The following PIGU variants were observed in gnomAD, a reference collection of about 807,000 sequenced individuals.
PIGU encodes GPI-anchor transamidase component PIGU.
Under a neutral mutation model 49.9 loss-of-function variants are expected in PIGU, and 24 were observed. The observed-to-expected ratio is 0.48, with a 90% CI of 0.35 to 0.68. The LOEUF (loss-of-function observed/expected upper bound fraction) is 0.68. Ranked by LOEUF, PIGU falls within the 30% of genes least tolerant of loss-of-function variation. PIGU has a pLI of 0.01. For missense variants in PIGU, 490 were observed against 532.6 expected (o/e 0.92, Z 0.79); for synonymous variants, 220 against 205.7 (o/e 1.07, Z -0.59).
intron 4 of PIGU, chr20:34,643,645 A>G (rs1378170833): frequency 6.6e-6 from 1 of 152,476 alleles, no homozygotes; most frequent in Admixed American, 6.5e-5. Flanking sequence ...GCTATTACAT[A>G]TGGATTAAGA....
intron 7 of PIGU, among the ~76,000 whole-genome samples, chr20:34,606,804 C>T (rs1387962004): frequency 6.6e-6 from 1 of 152,144 alleles, no homozygotes; most frequent in African/African-American, 2.4e-5. Context: ...CTCTGTCACC[C>T]AGGCTGGAGT....
intron 7 of PIGU, among the ~76,000 whole-genome samples, chr20:34,589,393 C>T (rs1452583194): frequency 2.0e-5 from 3 of 152,230 alleles, no homozygotes; most frequent in South Asian, 4.1e-4. Context: ...CTTGCTGTGT[C>T]GCCAAGGTAG....
intron 6 of PIGU, among the ~76,000 whole-genome samples, chr20:34,628,128 A>G (rs1018199794): frequency 6.6e-6 from 1 of 152,192 alleles, no homozygotes; most frequent in African/African-American, 2.4e-5. Context: ...CTATTTAACA[A>G]TAGTGTACAA....
intron 1 of PIGU, among the ~76,000 whole-genome samples, chr20:34,671,670 A>T (rs1300390999): frequency 1.3e-5 from 2 of 152,068 alleles, no homozygotes; most frequent in African/African-American, 4.8e-5. Flanking sequence ...CCTGTAATCC[A>T]CCACTTTGGG....
intron 11 of PIGU, among the ~76,000 whole-genome samples, chr20:34,570,604 G>A (rs576994899): frequency 1.3e-5 from 2 of 152,142 alleles, no homozygotes; most frequent in Admixed American, 6.5e-5. Context: ...TAGTAGAGAC[G>A]GGGTTTCACC....
At position 34,561,909 on chromosome 20, in the gene PIGU, G is replaced by A. The variant is rs150155103; in HGVS notation, c.1195-930C>T. On this transcript the variant is annotated intron_variant, in intron 11 of 11. Coordinates refer to ENST00000217446, the MANE Select transcript of PIGU (RefSeq NM_080476.5). ...ATCTCTACTCGATAACAGACTCATC[G>A]AAAGTGTAATTTTCCATTCAGCTGA... Among the ~76,000 whole-genome samples, 554 of 152,234 alleles carry A rather than the reference G, an allele frequency of 3.6e-3. 6 individuals are homozygous for A. The highest frequency in any genetic ancestry group is 0.01 in the African/African-American group (427 of 41,520).
chr20:34,651,900 TTGAGACCATCCCGGGCAACAAAG>T (rs921656659), intron 2 of PIGU, among the ~76,000 whole-genome samples: 28 of 151,922 alleles, frequency 1.8e-4, no homozygotes, highest in African/African-American at 6.5e-4. Flanking sequence ...GGCCAGGAGG[TTGAGACCATCCCGGGCAACAAAG>T]TGAGACCCCC....
At chr20:34,568,424 T>C (rs992786105) in intron 11 of PIGU, among the ~76,000 whole-genome samples, 6 of 152,294 alleles carry the variant, frequency 3.9e-5, no homozygotes, top group Non-Finnish European at 7.4e-5. Context: ...GGGCTCCAGG[T>C]TGGCCACAGG....
intron 7 of PIGU, among the ~76,000 whole-genome samples, chr20:34,607,434 G>A (rs140198552): frequency 6.9e-4 from 105 of 152,256 alleles, no homozygotes; most frequent in Middle Eastern, 3.4e-3. Context: ...GATTTCAGAC[G>A]GACACCTTGA....
chr20:34,615,961 T>G, intron 7 of PIGU, 81 bp downstream of exon 7: 2 of 1,504,642 alleles, frequency 1.3e-6, no homozygotes, highest in Non-Finnish European at 1.8e-6. Context: ...TACTAACCCG[T>G]GCCCTTCCTT....
At chr20:34,633,634 C>T (rs1051072885) in intron 6 of PIGU, among the ~76,000 whole-genome samples, 3 of 150,886 alleles carry the variant, frequency 2.0e-5, no homozygotes, top group Non-Finnish European at 2.9e-5. Context: ...GTGGCGAGAT[C>T]TCGGCTCACT....
chr20:34,591,707 A>C (rs1375983579), intron 7 of PIGU, among the ~76,000 whole-genome samples: 2 of 152,246 alleles, frequency 1.3e-5, no homozygotes, highest in Non-Finnish European at 2.9e-5. Flanking sequence ...GTAATTTTCA[A>C]GTATACAATA....
intron 11 of PIGU, among the ~76,000 whole-genome samples, chr20:34,564,033 C>T (rs931965735): frequency 8.5e-5 from 13 of 152,226 alleles, no homozygotes; most frequent in African/African-American, 2.6e-4. Context: ...ACCTGGCCAG[C>T]GCTCCTCAAC....
intron 6 of PIGU, among the ~76,000 whole-genome samples, chr20:34,626,908 T>C (rs910501619): frequency 2.0e-5 from 3 of 151,990 alleles, no homozygotes; most frequent in Admixed American, 6.6e-5. Flanking sequence ...AATTATTCCT[T>C]AATTTTATTA....
Position 34,572,249 on chromosome 20 carries a change from G to A in PIGU, c.1194+2855C>T, listed in dbSNP as rs184869114. Among the ~76,000 whole-genome samples, 246 of 151,860 alleles carry A rather than the reference G, an allele frequency of 1.6e-3. 1 individual carries two copies. The highest frequency in any genetic ancestry group is 5.8e-3 in the African/African-American group (239 of 41,466). On this transcript the variant is annotated intron_variant, in intron 11 of 11. Coordinates refer to ENST00000217446, the MANE Select transcript of PIGU (RefSeq NM_080476.5). ...TTATTTATTGCTATTGACCAGCCTG[G>A]TCTCAAACTCCTGACCTCAAGTGAT...
intron 2 of PIGU, among the ~76,000 whole-genome samples, chr20:34,649,848 C>CTTTTT (rs1243838081): frequency 9.5e-6 from 1 of 105,664 alleles, no homozygotes; most frequent in Non-Finnish European, 2.0e-5. Flanking sequence ...CTATTACATT[C>CTTTTT]TTTTTTTTTT....
At chr20:34,621,072 T>C (rs1009689652) in intron 6 of PIGU, among the ~76,000 whole-genome samples, 2 of 152,134 alleles carry the variant, frequency 1.3e-5, no homozygotes, top group African/African-American at 4.8e-5. Context: ...ACTGATGCTA[T>C]CTTATAATAA....
chr20:34,567,172 C>T (rs1414488930), intron 11 of PIGU, among the ~76,000 whole-genome samples: 2 of 152,244 alleles, frequency 1.3e-5, no homozygotes, highest in African/African-American at 4.8e-5. Context: ...CCTCTGCCCA[C>T]CTGCCTGGGA....
At chr20:34,579,573 G>C (rs768581697) in intron 10 of PIGU, among the ~76,000 whole-genome samples, 2 of 152,202 alleles carry the variant, frequency 1.3e-5, no homozygotes, top group Non-Finnish European at 2.9e-5. Flanking sequence ...AGCTAATAAT[G>C]ATTCACAGTT....
Sources: allele counts gnomAD v4.1 joint callset (sites outside exome capture counted in the v4.1 genomes callset), GRCh38; gene constraint gnomAD v4.1.1; transcripts MANE v1.5; gene names NCBI Gene and HGNC (gene_info 2026-07-23, HGNC 2026-07-21).